MYH11: variants seen among roughly 807,000 people sequenced by gnomAD.
MYH11 encodes myosin heavy chain 11.
Under a neutral mutation model 246.6 loss-of-function variants are expected in MYH11, and 80 were observed. That is an observed-to-expected ratio of 0.32 (90% CI 0.27 to 0.39). MYH11 has a LOEUF of 0.39. Among genes scored for constraint, MYH11 ranks in the 10% least tolerant of loss-of-function variants. The pLI is 1.00. For missense variants in MYH11, 2,158 were observed against 2,546.8 expected, an observed-to-expected ratio of 0.85 and a Z score of 3.29; for synonymous variants, 1,071 against 1,015.5, an observed-to-expected ratio of 1.05 and a Z score of -1.04.
intron 4 of MYH11, among the ~76,000 whole-genome samples, chr16:15,787,987 A>G (rs1158497773): frequency 6.6e-6 from 1 of 151,650 alleles, no homozygotes; most frequent in Non-Finnish European, 1.5e-5. Context: ...AGTAATTCAC[A>G]CTAAAGTGTA....
intron 1 of MYH11, among the ~76,000 whole-genome samples, chr16:15,854,154 G>A (rs780764117): frequency 6.6e-6 from 1 of 152,144 alleles, no homozygotes; most frequent in Non-Finnish European, 1.5e-5. Flanking sequence ...AAATAGAAAC[G>A]AGGTTTATGA....
At chr16:15,763,414 G>A (rs1235008503) in intron 10 of MYH11, among the ~76,000 whole-genome samples, 3 of 152,086 alleles carry the variant, frequency 2.0e-5, no homozygotes, top group South Asian at 2.1e-4. Flanking sequence ...GGGGTAGGAC[G>A]TGATGACTCT....
At chr16:15,780,460 T>A (rs962644328) in intron 6 of MYH11, among the ~76,000 whole-genome samples, 19 of 149,688 alleles carry the variant, frequency 1.3e-4, no homozygotes, top group African/African-American at 4.7e-4. Context: ...CCTTTATGAC[T>A]TTAGATTTTT....
At chr16:15,719,864 G>T in intron 34 of MYH11, 151 bp from the exon 35 acceptor site, 1 of 1,207,970 alleles carries the variant, frequency 8.3e-7, no homozygotes, top group Non-Finnish European at 1.2e-6. Flanking sequence ...AGTTCCAGGT[G>T]GCTGGTGGTG....
intron 5 of MYH11, 180 bp from the exon 6 acceptor site, chr16:15,782,657 C>T (rs1431683488): frequency 1.6e-6 from 1 of 613,700 alleles, no homozygotes; most frequent in Non-Finnish European, 2.9e-6. Flanking sequence ...AGAGAAGCAA[C>T]TGTCTGAGCT....
In MYH11 at chr16:15,719,289, C is replaced by T. The variant is rs753777214; in HGVS notation, c.5102G>A (p.Arg1701Lys). 2 of 1,612,262 alleles carry T rather than the reference C, an allele frequency of 1.2e-6. No homozygotes were observed. Among genetic ancestry groups the T allele is most frequent in the Non-Finnish European group, 1.7e-6 (2 of 1,180,020 alleles). ...CTCGAGGTCCGCTTGTTTGCGAGCC[C>T]TCTCAGCGGCGGCGAGGTCCTAGGT... ...QLQEDLAAAE[R>K]ARKQADLEKE... The change falls in exon 36 of 41, where the codon AGG becomes AAG. Residue 1701 changes from arginine to lysine, a missense_variant. Arg to Lys is a conservative substitution (Grantham distance 26). Transcript: ENST00000300036.
intron 40 of MYH11, among the ~76,000 whole-genome samples, chr16:15,708,415 C>T (rs2039584851): frequency 6.6e-6 from 1 of 152,216 alleles, no homozygotes; most frequent in South Asian, 2.1e-4. Context: ...AGTGCAGTGT[C>T]TTCACTGGAC....
At chr16:15,803,234 G>A (rs1036589557) in intron 3 of MYH11, among the ~76,000 whole-genome samples, 6 of 151,850 alleles carry the variant, frequency 4.0e-5, no homozygotes, top group Non-Finnish European at 8.8e-5. Context: ...CCACCCAGGG[G>A]GAGAAATTCA....
rs2040479391 is a variant in MYH11 at position 15,721,469 on chromosome 16, C to T, written c.4531G>A (p.Ala1511Thr). 9 of 1,614,078 alleles carry T rather than the reference C, an allele frequency of 5.6e-6. No homozygotes were observed. The highest frequency in any genetic ancestry group is 5.9e-6 in the Non-Finnish European group (7 of 1,180,054). ...GAGCTGACCAGGTCTTCCATTTCGGCTTTGAGCATTTTGTTGGTCCGCTCG... is the reference window on the plus strand; with the variant it reads ...GAGCTGACCAGGTCTTCCATTTCGGTTTTGAGCATTTTGTTGGTCCGCTCG... ...ELERTNKMLK[A>T]EMEDLVSSKD... Residue 1511 changes from alanine to threonine, a missense_variant, in exon 32 of 41, where the codon GCC becomes ACC. By Grantham distance (58) the Ala-to-Thr change is moderately conservative (BLOSUM62 0). Around this residue, in one of 11 missense-constraint regions of MYH11, gnomAD observed 1,013 missense variants for 993.5 expected, o/e 1.02. Transcript: ENST00000300036.
At chr16:15,746,917 G>C (rs2041432236) in intron 19 of MYH11, among the ~76,000 whole-genome samples, 1 of 152,076 alleles carries the variant, frequency 6.6e-6, no homozygotes, top group African/African-American at 2.4e-5. Flanking sequence ...GTGAAACTTT[G>C]TCTCTACTAA....
At chr16:15,717,715 G>A (rs1279876477) in intron 37 of MYH11, 1 of 341,578 alleles carries the variant, frequency 2.9e-6, no homozygotes, top group East Asian at 6.9e-5. Context: ...AGAATCCCTT[G>A]AACTTGGGAG....
intron 12 of MYH11, 140 bp from the exon 13 acceptor site, chr16:15,758,140 T>G (rs1442769234): frequency 7.8e-7 from 1 of 1,277,230 alleles, no homozygotes; most frequent in Admixed American, 1.9e-5. Context: ...CAGACAGGGC[T>G]GAGGCCCCAA....
intron 1 of MYH11, among the ~76,000 whole-genome samples, chr16:15,839,908 G>A (rs1420178418): frequency 6.6e-5 from 10 of 151,918 alleles, no homozygotes; most frequent in Admixed American, 2.6e-4. Flanking sequence ...AAAATTAGCC[G>A]GGCATGGTGG....
At chr16:15,712,881 A>ATTTTTTTTTTTTTTTTTTTTTTTT (rs1567680172) in intron 40 of MYH11, 2 of 65,916 alleles carry the variant, frequency 3.0e-5, no homozygotes, top group East Asian at 7.9e-4. Flanking sequence ...CTTCACATAC[A>ATTTTTTTTTTTTTTTTTTTTTTTT]GTTTTTTTTT....
rs2040475470 is a variant in MYH11 at position 15,721,409 on chromosome 16, C to T, written c.4578+13G>A. On this transcript the variant is annotated intron_variant, in intron 32 of 40. Coordinates refer to ENST00000300036, the MANE Select transcript of MYH11 (RefSeq NM_002474.3). ...CGAAACATGGACGAGAAAAACCACC[C>T]AGAGCCACTTACGTTCTTGCCCACG... 2.5e-6 allele frequency: 4 copies of T among 1,614,090 alleles called. No homozygotes were observed. Among genetic ancestry groups the T allele is most frequent in the Non-Finnish European group, 2.5e-6 (3 of 1,180,016 alleles).
chr16:15,851,515 T>C (rs1411574503), intron 1 of MYH11, among the ~76,000 whole-genome samples: 1 of 152,154 alleles, frequency 6.6e-6, no homozygotes, highest in Non-Finnish European at 1.5e-5. Flanking sequence ...AATCTAATCC[T>C]AGTTTTCTGC....
At chr16:15,705,323 C>G (rs895265218) in intron 40 of MYH11, among the ~76,000 whole-genome samples, 1 of 152,176 alleles carries the variant, frequency 6.6e-6, no homozygotes, top group Non-Finnish European at 1.5e-5. Context: ...ACACCCCTGT[C>G]TCTCCTTAAT....
At position 15,720,140 on chromosome 16, in the gene MYH11, G is replaced by C. The variant is rs760184952; in HGVS notation, c.4953+11C>G. On this transcript the variant is annotated intron_variant, in intron 34 of 40. Transcript: ENST00000300036. ...CCTCCACCCATGCCCCAAGCTCCTAGTGTCACCCACCTGCAGTTTGCGTAG... is the reference window on the plus strand; with the variant it reads ...CCTCCACCCATGCCCCAAGCTCCTACTGTCACCCACCTGCAGTTTGCGTAG... 1.9e-6 allele frequency: 3 copies of C among 1,614,060 alleles called. No homozygotes were observed. The East Asian group carries it at 6.7e-5, about 36-fold the overall frequency.
At position 15,703,446 on chromosome 16, in the gene MYH11, C is replaced by T. The variant is rs2039292247; in HGVS notation, c.*545G>A. 4.2e-6 allele frequency: 1 copy of T among 239,910 alleles called. No homozygotes were observed. Among genetic ancestry groups the T allele is most frequent in the Non-Finnish European group, 8.2e-6 (1 of 121,496 alleles). 14.9% of individuals were successfully genotyped at this position (239,910 alleles called of 1,614,324 possible). A position where few individuals can be genotyped will look rare whatever the true frequency, so the allele number is the denominator to read the frequency against. ...AAACAGAATTGCCAGGGACCGGTTA[C>T]CGTGGATATGTTTTTCTAAAAACTC... On this transcript the variant is annotated 3_prime_UTR_variant, in exon 41 of 41. Transcript: ENST00000300036.
Sources: allele counts gnomAD v4.1 joint callset (sites outside exome capture counted in the v4.1 genomes callset), GRCh38; gene constraint gnomAD v4.1.1; regional missense constraint gnomAD v4.1.1; transcripts MANE v1.5; gene names NCBI Gene and HGNC (gene_info 2026-07-23, HGNC 2026-07-21).